SPINK2: variants seen among roughly 807,000 people sequenced by gnomAD.
SPINK2 encodes the protein serine peptidase inhibitor Kazal type 2, also known as serine protease inhibitor Kazal-type 2.
Under a neutral mutation model 13.5 loss-of-function variants are expected in SPINK2, and 8 were observed. The ratio of observed to expected loss-of-function variants is 0.59; its 90% confidence interval spans 0.35 to 1.07. The LOEUF is 1.07. Among genes scored for constraint, SPINK2 ranks in the 50% least tolerant of loss-of-function variants. SPINK2 has a pLI of 0.02. For missense variants in SPINK2, 148 were observed against 180.3 expected, an observed-to-expected ratio of 0.82 and a Z score of 1.03; for synonymous variants, 76 against 74.7, an observed-to-expected ratio of 1.02 and a Z score of -0.09.
At chr4:56,817,572 C>G (rs953092676) in intron 2 of SPINK2, among the ~76,000 whole-genome samples, 1 of 152,084 alleles carries the variant, frequency 6.6e-6, no homozygotes, top group African/African-American at 2.4e-5. Context: ...GTAATCAGGC[C>G]GGGTGCGGTG....
chr4:56,820,693 C>A, intron 1 of SPINK2, 114 bp from the exon 2 acceptor site: 1 of 840,844 alleles, frequency 1.2e-6, no homozygotes, highest in Non-Finnish European at 1.9e-6. Context: ...CTGGTCTTGA[C>A]CTCCCGGGCT....
rs1175452531 is a variant in SPINK2, at chr4:56,810,916, C to A, written c.360-732G>T. Among the ~76,000 whole-genome samples the A allele has an allele frequency of 2.6e-5, 4 of 152,166 alleles. No homozygotes were observed. The East Asian group carries it at 7.7e-4, about 29-fold the overall frequency. On this transcript the variant is annotated intron_variant, in intron 3 of 3. Coordinates refer to ENST00000506738, the MANE Select transcript of SPINK2 (RefSeq NM_001271718.2). ...ATACCTGAAGGAGCAGTGACAGTCACCTGGTCAGGTGTGCTACATGAAGCA... is the reference window on the plus strand; with the variant it reads ...ATACCTGAAGGAGCAGTGACAGTCAACTGGTCAGGTGTGCTACATGAAGCA...
At chr4:56,811,661 T>C (rs769651311) in intron 3 of SPINK2, 24 bp downstream of exon 3, 2 of 1,472,754 alleles carry the variant, frequency 1.4e-6, no homozygotes, top group Admixed American at 1.9e-5. Flanking sequence ...ACTTGGCTAG[T>C]CTACAGCTGT....
intron 2 of SPINK2, among the ~76,000 whole-genome samples, chr4:56,814,505 T>G (rs185319248): frequency 1.3e-5 from 2 of 152,002 alleles, no homozygotes; most frequent in Non-Finnish European, 2.9e-5. Flanking sequence ...GAAATACACA[T>G]GCTGGTCTTG....
At chr4:56,814,972 A>G (rs11726733) in intron 2 of SPINK2, among the ~76,000 whole-genome samples, 28,235 of 149,122 alleles carry the variant, frequency 0.19, 3,237 homozygotes, top group African/African-American at 0.29. Context: ...AAAAAAAAAA[A>G]AAAAAAAAAA....
intron 2 of SPINK2, among the ~76,000 whole-genome samples, chr4:56,818,046 A>G (rs1717604130): frequency 2.6e-5 from 4 of 152,326 alleles, no homozygotes; most frequent in Admixed American, 1.3e-4. Context: ...TTGAAGCAGC[A>G]GTGTGTAGCA....
upstream of SPINK2, chr4:56,821,704 C>T (rs368432138): frequency 2.8e-6 from 4 of 1,420,012 alleles, no homozygotes; most frequent in Non-Finnish European, 2.7e-6. Context: ...GGTCTGTTAC[C>T]TGCGCCACTC....
rs1421847844 is a variant in SPINK2, at chr4:56,821,666, C to G, written c.-4G>C. 6.5e-7 allele frequency: 1 copy of G among 1,528,082 alleles called. No homozygotes were observed. Among genetic ancestry groups the G allele is most frequent in the Admixed American group, 2.0e-5 (1 of 48,796 alleles). The allele number at this position is 1,528,082 out of a possible 1,614,324, so 94.7% of individuals were successfully genotyped here. A position where few individuals can be genotyped will look rare whatever the true frequency, so the allele number is the denominator to read the frequency against. ...AGCGCAGCACCGACAGCGCCATCCT[C>G]CTCCCGCGCCGGCTGTCTTGCCCCT... On this transcript the variant is annotated 5_prime_UTR_variant, in exon 1 of 4. Transcript: ENST00000506738.
rs1159974371 is a variant in SPINK2, at chr4:56,821,561, G to A, written c.102C>T (p.Ser34=). 14 of 1,547,494 alleles carry A rather than the reference G, an allele frequency of 9.0e-6. No homozygotes were observed. Among genetic ancestry groups the A allele is most frequent in the African/African-American group, 4.1e-5 (3 of 72,928 alleles). Residue 34 remains serine, a synonymous_variant, in exon 1 of 4, where the codon AGC becomes AGT. Transcript: ENST00000506738. ...GPGERGPPEK[S]GFGSQTGGGP... is the part of the protein sequence containing the mutation. ...CGCCGCCGGTCTGACTCCCAAACCC[G>A]CTTTTCTCCGGAGGTCCCCGCTCGC...
chr4:56,811,720 A>C lies in SPINK2; in HGVS notation c.324T>G (p.Thr108=). The change falls in exon 3 of 4, where the codon ACT becomes ACG. Residue 108 remains threonine, a synonymous_variant. Transcript: ENST00000506738. ...FNPVCGSDMS[T]YANECTLCMK... is the part of the protein sequence containing the mutation. ...TGCACAGAGTACATTCATTGGCATA[A>C]GTGGACATGTCACTGCCACACACAG... 1.9e-6 allele frequency: 3 copies of C among 1,611,202 alleles called. No homozygotes were observed. The highest frequency in any genetic ancestry group is 2.5e-6 in the Non-Finnish European group (3 of 1,178,076).
At chr4:56,811,939 T>A in intron 2 of SPINK2, 145 bp from the exon 3 acceptor site, 6 of 187,442 alleles carry the variant, frequency 3.2e-5, no homozygotes, top group Non-Finnish European at 5.2e-5. Flanking sequence ...AATTTTTTCT[T>A]TTTTTTTTTT....
chr4:56,821,496 C>A lies in SPINK2; in HGVS notation c.167G>T (p.Arg56Leu), dbSNP rs749983792. The change falls in exon 1 of 4, where the codon CGC (arginine) becomes CTC (leucine). Residue 56 changes from arginine to leucine, a missense_variant. Physicochemically the swap from Arg to Leu is moderately radical, Grantham distance 102. Coordinates refer to ENST00000506738, the MANE Select transcript of SPINK2 (RefSeq NM_001271718.2). The part of the protein sequence containing the change: ...PAPGGLGDGT[R>L]APVTGGSPED... ...TGGGGAACCGCCAGTAACGGGCGCG[C>A]GGGTACCGTCGCCGAGGCCGCCCGG... is the stretch of plus-strand genomic sequence containing the variant. 2 of 1,537,642 alleles carry A rather than the reference C, an allele frequency of 1.3e-6. No individual in the cohort carries two copies. Among genetic ancestry groups the A allele is most frequent in the South Asian group, 2.4e-5 (2 of 83,234 alleles).
chr4:56,818,619 G>A (rs559336642), intron 2 of SPINK2, among the ~76,000 whole-genome samples: 88 of 152,072 alleles, frequency 5.8e-4, no homozygotes, highest in African/African-American at 2.0e-3. Context: ...CAGAGATCTC[G>A]CCACTGCACT....
At chr4:56,810,436 C>T in intron 3 of SPINK2, 1 of 447,800 alleles carries the variant, frequency 2.2e-6, no homozygotes. Flanking sequence ...GGCATGGTGG[C>T]TCATGCCTGT....
intron 1 of SPINK2, among the ~76,000 whole-genome samples, chr4:56,821,031 G>A (rs1172364859): frequency 6.6e-6 from 1 of 152,200 alleles, no homozygotes; most frequent in Non-Finnish European, 1.5e-5. Flanking sequence ...GGTCTCAAGC[G>A]AGCCTCCCGC....
chr4:56,811,893 G>A, intron 2 of SPINK2, 99 bp from the exon 3 acceptor site: 4 of 355,772 alleles, frequency 1.1e-5, no homozygotes, highest in Non-Finnish European at 1.0e-5. Context: ...AGATTTCCTA[G>A]AATCATTTAA....
intron 2 of SPINK2, chr4:56,818,185 A>C (rs1333315689): frequency 6.6e-6 from 1 of 152,226 alleles, no homozygotes; most frequent in East Asian, 1.9e-4. Flanking sequence ...AGAAAAACCA[A>C]AGATCAATCT....
rs1486570737 is a variant in SPINK2 at position 56,821,471 on chromosome 4, T to C, written c.192A>G (p.Pro64=). 1 of 1,528,302 alleles carries C rather than the reference T, an allele frequency of 6.5e-7. No individual in the cohort carries two copies. The highest frequency in any genetic ancestry group is 2.5e-5 in the East Asian group (1 of 40,174). 94.7% of individuals were successfully genotyped at this position (1,528,302 alleles called of 1,614,324 possible). Residue 64 remains proline, a synonymous_variant, in exon 1 of 4, where the codon CCA becomes CCG. Transcript: ENST00000506738. ...GCGTTCCTCCACCTGGCAGGTCCTCTGGGGAACCGCCAGTAACGGGCGCGC... is the reference window on the plus strand; with the variant it reads ...GCGTTCCTCCACCTGGCAGGTCCTCCGGGGAACCGCCAGTAACGGGCGCGC... The part of the protein sequence containing the change: ...GTRAPVTGGS[P]EDLPASLIPQ...
upstream of SPINK2, chr4:56,821,763 G>T: frequency 1.6e-6 from 2 of 1,260,502 alleles, no homozygotes; most frequent in African/African-American, 1.7e-5. Flanking sequence ...GGGAAGGGGC[G>T]GGGCGAGAAT....
Sources: allele counts gnomAD v4.1 joint callset (sites outside exome capture counted in the v4.1 genomes callset), GRCh38; gene constraint gnomAD v4.1.1; transcripts MANE v1.5; gene names NCBI Gene and HGNC (gene_info 2026-07-23, HGNC 2026-07-21).